SUSD6: variants seen among roughly 807,000 people sequenced by gnomAD.
The protein encoded by SUSD6 is sushi domain containing 6.
Under a neutral mutation model 28.4 loss-of-function variants are expected in SUSD6, and 16 were observed. That is an observed-to-expected ratio of 0.56 (90% confidence interval 0.38 to 0.86). The LOEUF (loss-of-function observed/expected upper bound fraction) is 0.86. Among genes scored for constraint, SUSD6 ranks in the 40% least tolerant of loss-of-function variants. The pLI is 0.00. For missense variants in SUSD6, 341 were observed against 384.2 expected (o/e 0.89, Z 0.94); for synonymous variants, 147 against 159.6 (o/e 0.92, Z 0.59).
chr14:69,707,854 A>T (rs1886407363), intron 4 of SUSD6, among the ~76,000 whole-genome samples: 1 of 152,196 alleles, frequency 6.6e-6, no homozygotes, highest in African/African-American at 2.4e-5. Context: ...AAAGCAAAGA[A>T]ATGATTTTCC....
chr14:69,664,113 G>A (rs1162665570), intron 2 of SUSD6, among the ~76,000 whole-genome samples: 1 of 152,046 alleles, frequency 6.6e-6, no homozygotes, highest in Non-Finnish European at 1.5e-5. Flanking sequence ...CGAGTAGCTG[G>A]TACCACAGGC....
Position 69,703,446 on chromosome 14 carries a change from G to A in SUSD6, c.173G>A (p.Arg58Gln), listed in dbSNP as rs143461922. 28 of 1,613,968 alleles carry A rather than the reference G, an allele frequency of 1.7e-5. No homozygotes were observed. Among genetic ancestry groups the A allele is most frequent in the East Asian group, 4.5e-5 (2 of 44,894 alleles). Residue 58 changes from arginine (R) to glutamine (Q), a missense_variant, in exon 3 of 6, where the codon CGG (arginine) becomes CAG (glutamine). By Grantham distance (43) the Arg-to-Gln change is conservative. Coordinates refer to ENST00000342745, the MANE Select transcript of SUSD6 (RefSeq NM_014734.4). ...PENGGYICHP[R>Q]PCRDPLTAGS... ...AATGGTGGCTACATCTGCCACCCCCGGCCCTGCAGAGACCCCCTGACAGCA... is the reference window on the plus strand; with the variant it reads ...AATGGTGGCTACATCTGCCACCCCCAGCCCTGCAGAGACCCCCTGACAGCA...
At chr14:69,619,257 G>A (rs1221573866) in intron 1 of SUSD6, among the ~76,000 whole-genome samples, 1 of 151,712 alleles carries the variant, frequency 6.6e-6, no homozygotes, top group Non-Finnish European at 1.5e-5. Context: ...AATTACAAAG[G>A]CAGTGAGTCA....
chr14:69,694,514 G>A (rs535889570), intron 2 of SUSD6, among the ~76,000 whole-genome samples: 2 of 152,338 alleles, frequency 1.3e-5, no homozygotes, highest in African/African-American at 4.8e-5. Context: ...TGCCTGGGAA[G>A]GTGGCCTTGG....
At chr14:69,645,884 G>A in intron 1 of SUSD6, among the ~76,000 whole-genome samples, 1 of 152,008 alleles carries the variant, frequency 6.6e-6, no homozygotes, top group East Asian at 1.9e-4. Flanking sequence ...CAAGTAGCTG[G>A]GACTACAGGT....
intron 1 of SUSD6, among the ~76,000 whole-genome samples, chr14:69,653,747 C>CTTTTTTTTTTTTTT (rs3048700): frequency 2.3e-4 from 21 of 93,242 alleles, no homozygotes; most frequent in African/African-American, 7.0e-4. Context: ...CCTAGTGAAA[C>CTTTTTTTTTTTTTT]TTTTTTTTTT....
intron 2 of SUSD6, among the ~76,000 whole-genome samples, chr14:69,699,174 A>G (rs1886276272): frequency 6.6e-6 from 1 of 151,948 alleles, no homozygotes; most frequent in Non-Finnish European, 1.5e-5. Flanking sequence ...GGTCAAGAGG[A>G]TCATATTTTT....
chr14:69,697,651 T>C (rs1886245461), intron 2 of SUSD6, among the ~76,000 whole-genome samples: 1 of 152,248 alleles, frequency 6.6e-6, no homozygotes, highest in African/African-American at 2.4e-5. Context: ...CCATGTTATA[T>C]TTCTGTTGGA....
chr14:69,613,594 A>G (rs765167540), intron 1 of SUSD6, among the ~76,000 whole-genome samples: 1 of 152,252 alleles, frequency 6.6e-6, no homozygotes, highest in Non-Finnish European at 1.5e-5. Context: ...ACTGCATTGA[A>G]TAAGTCAGAA....
At chr14:69,683,351 C>G (rs1048554734) in intron 2 of SUSD6, among the ~76,000 whole-genome samples, 3 of 152,144 alleles carry the variant, frequency 2.0e-5, no homozygotes, top group African/African-American at 7.2e-5. Flanking sequence ...GGTGGGCATT[C>G]TGCCCTTTTG....
chr14:69,643,495 C>A (rs1290731882), intron 1 of SUSD6, among the ~76,000 whole-genome samples: 1 of 152,202 alleles, frequency 6.6e-6, no homozygotes, highest in Non-Finnish European at 1.5e-5. Context: ...TTCTGTGCAT[C>A]CTGACATGCA....
At chr14:69,632,218 A>G (rs1411635651) in intron 1 of SUSD6, among the ~76,000 whole-genome samples, 1 of 152,306 alleles carries the variant, frequency 6.6e-6, no homozygotes, top group Non-Finnish European at 1.5e-5. Flanking sequence ...TCACCCTGCT[A>G]TTGCCCTGCT....
intron 1 of SUSD6, among the ~76,000 whole-genome samples, chr14:69,619,661 C>G (rs1885008692): frequency 6.6e-6 from 1 of 151,878 alleles, no homozygotes; most frequent in Admixed American, 6.6e-5. Flanking sequence ...GTCCCAGCTA[C>G]TTGGGAGGCT....
rs373936004 is a variant in SUSD6, at chr14:69,708,684, C to G, written c.466C>G (p.Gln156Glu). 3.2e-6 allele frequency: 5 copies of G among 1,571,758 alleles called. No homozygotes were observed. The highest frequency in any genetic ancestry group is 3.7e-5 in the Admixed American group (2 of 54,352). ...TTTCCTCCTCCACTCCAGGCGTGACCAGGGGGTATCTGGGGACCAGGTCTC... is the reference window on the plus strand; with the variant it reads ...TTTCCTCCTCCACTCCAGGCGTGACGAGGGGGTATCTGGGGACCAGGTCTC... ...LKSFHHSRRD[Q>E]GVSGDQVSIM... Residue 156 changes from glutamine (Q) to glutamate (E), a missense_variant, in exon 5 of 6, where the codon CAG becomes GAG. Gln to Glu is a conservative substitution (Grantham distance 29). Coordinates refer to ENST00000342745, the MANE Select transcript of SUSD6 (RefSeq NM_014734.4).
chr14:69,612,411 G>T (rs1884892177), intron 1 of SUSD6, among the ~76,000 whole-genome samples: 2 of 152,204 alleles, frequency 1.3e-5, no homozygotes, highest in Non-Finnish European at 2.9e-5. Context: ...TAAACTCCCC[G>T]AAACCAGCTA....
At chr14:69,710,141 C>T (rs1444608919) in intron 5 of SUSD6, among the ~76,000 whole-genome samples, 1 of 152,186 alleles carries the variant, frequency 6.6e-6, no homozygotes, top group East Asian at 1.9e-4. Context: ...CACAGTCAGC[C>T]AGCCACACAT....
At position 69,635,472 on chromosome 14, in the gene SUSD6, C is replaced by T. The variant is rs184792553; in HGVS notation, c.-80-23041C>T. On this transcript the variant is annotated intron_variant, in intron 1 of 5. Coordinates refer to ENST00000342745, the MANE Select transcript of SUSD6 (RefSeq NM_014734.4). Reference sequence around the variant, plus strand: ...GGGAGAGAAAACAAGTTCTGTCAAACAGTGAGGTTTGGAAATCAGAACTGT... The same window carrying T: ...GGGAGAGAAAACAAGTTCTGTCAAATAGTGAGGTTTGGAAATCAGAACTGT... Among the ~76,000 whole-genome samples, 202 of 152,274 alleles carry T rather than the reference C, an allele frequency of 1.3e-3. 2 individuals are homozygous for T. Among genetic ancestry groups the T allele is most frequent in the African/African-American group, 4.7e-3 (196 of 41,556 alleles).
At chr14:69,700,879 A>C (rs540191321) in intron 2 of SUSD6, among the ~76,000 whole-genome samples, 1 of 152,290 alleles carries the variant, frequency 6.6e-6, no homozygotes, top group South Asian at 2.1e-4. Flanking sequence ...ATTTCCCATG[A>C]GTCTGTTTTT....
rs1351911810 is a variant in SUSD6 at position 69,697,229 on chromosome 14, G to A, written c.122-6166G>A. On this transcript the variant is annotated intron_variant, in intron 2 of 5. Transcript: ENST00000342745. ...AGTGAGGACACCGGAGGTCACTTTC[G>A]TCACCATCTTGGTTTTGGTGGGTTT... Among the ~76,000 whole-genome samples the A allele has an allele frequency of 1.1e-4, 16 of 152,230 alleles. No homozygotes were observed. The East Asian group carries it at 1.9e-3, about 18-fold the overall frequency.
Sources: gnomAD v4.1 joint callset for allele counts (sites outside exome capture counted in the v4.1 genomes callset) on GRCh38, gnomAD v4.1.1 for gene constraint, MANE v1.5 for transcripts, NCBI Gene and HGNC (gene_info 2026-07-23, HGNC 2026-07-21) for gene names.